The following KIRREL3 variants were observed in gnomAD, a reference collection of about 807,000 sequenced individuals.
KIRREL3 encodes kin of IRRE-like protein 3.
KIRREL3 carries 36 observed loss-of-function variants against 89.7 expected under a neutral mutation model. That is an observed-to-expected ratio of 0.40 (90% CI 0.31 to 0.53). KIRREL3 has a LOEUF of 0.53. KIRREL3 is among the 20% of genes least tolerant of loss of function. The pLI is 0.49. For missense variants in KIRREL3, 864 were observed against 1,056.6 expected, an observed-to-expected ratio of 0.82 and a Z score of 2.53; for synonymous variants, 445 against 441.4, an observed-to-expected ratio of 1.01 and a Z score of -0.10.
intron 2 of KIRREL3, among the ~76,000 whole-genome samples, chr11:126,534,500 G>T (rs1267583671): frequency 6.6e-6 from 1 of 152,156 alleles, no homozygotes; most frequent in Non-Finnish European, 1.5e-5. Context: ...CCTGAAAGCG[G>T]GAGGCTCTGC....
chr11:126,496,773 A>G lies in KIRREL3; in HGVS notation c.434-23307T>C, dbSNP rs879921481. ...TCAAGGCCTGAGGCTGTAGGCAGGG[A>G]GTCAGGGCTGGGGAAGCTGGGCTCA... is the stretch of plus-strand genomic sequence containing the variant. On this transcript the variant is annotated intron_variant, in intron 4 of 16. Coordinates refer to ENST00000525144, the MANE Select transcript of KIRREL3 (RefSeq NM_032531.4). This position sits in a 1 kb window ranked among gnomAD's most constrained non-coding sequence, Gnocchi z 4.9. Among the ~76,000 whole-genome samples, 42 of 152,120 alleles carry G rather than the reference A, an allele frequency of 2.8e-4. No individual in the cohort carries two copies. The highest frequency in any genetic ancestry group is 6.0e-4 in the Non-Finnish European group (41 of 68,028).
intron 1 of KIRREL3, among the ~76,000 whole-genome samples, chr11:126,749,205 C>T (rs541204317): frequency 1.3e-5 from 2 of 152,276 alleles, no homozygotes; most frequent in East Asian, 3.9e-4. Flanking sequence ...CCGTTCATTT[C>T]GACTGTTTTC....
rs1442192189 is a variant in KIRREL3 at position 126,557,600 on chromosome 11, T to A, written c.133+5235A>T. Among the ~76,000 whole-genome samples, 1 of 152,210 alleles carries A rather than the reference T, an allele frequency of 6.6e-6. No homozygotes were observed. Among genetic ancestry groups the A allele is most frequent in the Non-Finnish European group, 1.5e-5 (1 of 68,030 alleles). On this transcript the variant is annotated intron_variant, in intron 2 of 16. Coordinates refer to ENST00000525144, the MANE Select transcript of KIRREL3 (RefSeq NM_032531.4). The surrounding 1 kb of genome is among the most constrained non-coding windows in gnomAD (Gnocchi z 5.6). ...CTACACATCCCAGCTGTGGGGCACC[T>A]CTCTTTCTATACGAGGAAACAGTAG...
In KIRREL3 at chr11:126,943,778, A is replaced by G. The variant is rs1298278336; in HGVS notation, c.55+56677T>C. ...CTGCCACATTTCCCTATGCCCCCTG[A>G]GTTTTAGAGATACCCTATTTGAATG... On this transcript the variant is annotated intron_variant, in intron 1 of 16. Coordinates refer to ENST00000525144, the MANE Select transcript of KIRREL3 (RefSeq NM_032531.4). This position sits in a 1 kb window ranked among gnomAD's most constrained non-coding sequence, Gnocchi z 4.2. Among the ~76,000 whole-genome samples, 1 of 152,170 alleles carries G rather than the reference A, an allele frequency of 6.6e-6. No individual in the cohort carries two copies. The highest frequency in any genetic ancestry group is 2.4e-5 in the African/African-American group (1 of 41,434).
At chr11:126,644,595 T>C (rs529679623) in intron 1 of KIRREL3, among the ~76,000 whole-genome samples, 1 of 152,262 alleles carries the variant, frequency 6.6e-6, no homozygotes, top group East Asian at 1.9e-4. Flanking sequence ...GAAAGCCTGG[T>C]ACTAAAATCC....
Position 126,485,862 on chromosome 11 carries a change from C to T in KIRREL3, c.434-12396G>A, listed in dbSNP as rs35563043. 0.023 allele frequency among the ~76,000 whole-genome samples: 3,480 copies of T among 152,300 alleles called. 140 individuals are homozygous for T. The highest frequency in any genetic ancestry group is 0.075 in the African/African-American group (3,109 of 41,564). ...CCAAAGATCCCACAGCTGTACAGGT[C>T]TGATGGGCAGCCCTGCTGCCTTTAG... is the stretch of plus-strand genomic sequence containing the variant. On this transcript the variant is annotated intron_variant, in intron 4 of 16. Coordinates refer to ENST00000525144, the MANE Select transcript of KIRREL3 (RefSeq NM_032531.4). The surrounding 1 kb of genome is among the most constrained non-coding windows in gnomAD (Gnocchi z 5.8).
chr11:126,465,888 G>C (rs914431179), intron 5 of KIRREL3, among the ~76,000 whole-genome samples: 4 of 152,222 alleles, frequency 2.6e-5, no homozygotes, highest in African/African-American at 9.6e-5. Context: ...GTGATAATAA[G>C]AACAATTTCC....
intron 11 of KIRREL3, among the ~76,000 whole-genome samples, chr11:126,438,339 G>A (rs544349874): frequency 1.3e-5 from 2 of 152,366 alleles, no homozygotes; most frequent in South Asian, 4.1e-4. Flanking sequence ...GCACCTCATC[G>A]TGTAAGCGCC....
At position 126,492,625 on chromosome 11, in the gene KIRREL3, C is replaced by T. The variant is rs976327352; in HGVS notation, c.434-19159G>A. On this transcript the variant is annotated intron_variant, in intron 4 of 16. Transcript: ENST00000525144. The surrounding 1 kb of genome is among the most constrained non-coding windows in gnomAD (Gnocchi z 4.8). ...CTCAGCTGTTGGAGGGGAACAGCCA[C>T]CAGGCCATTTTTATGACTTCCTATC... Among the ~76,000 whole-genome samples, 3 of 152,148 alleles carry T rather than the reference C, an allele frequency of 2.0e-5. No homozygotes were observed. The highest frequency in any genetic ancestry group is 1.5e-5 in the Non-Finnish European group (1 of 68,034).
chr11:126,463,217 G>A lies in KIRREL3; in HGVS notation c.682C>T (p.Arg228Cys), dbSNP rs746070014. 4 of 1,613,828 alleles carry A rather than the reference G, an allele frequency of 2.5e-6. No individual in the cohort carries two copies. Among genetic ancestry groups the A allele is most frequent in the Non-Finnish European group, 3.4e-6 (4 of 1,179,884 alleles). ...CCGGGGATGGCTTTGTTGGTGGCAC[G>A]ACACACGATGCTCTGGCCATTCTCC... is the stretch of plus-strand genomic sequence containing the variant. The part of the protein sequence containing the change: ...DVENGQSIVC[R>C]ATNKAIPGGK... Residue 228 changes from arginine (R) to cysteine (C), a missense_variant, in exon 6 of 17, where the codon CGT (arginine) becomes TGT (cysteine). By Grantham distance (180) the Arg-to-Cys change is radical. Coordinates refer to ENST00000525144, the MANE Select transcript of KIRREL3 (RefSeq NM_032531.4). The surrounding 1 kb of genome is among the most constrained non-coding windows in gnomAD (Gnocchi z 5.9).
intron 1 of KIRREL3, among the ~76,000 whole-genome samples, chr11:126,617,793 T>A (rs992816172): frequency 1.8e-4 from 28 of 152,230 alleles, no homozygotes; most frequent in African/African-American, 6.5e-4. Flanking sequence ...AAAGTCCCAC[T>A]GTATATAAGT....
In KIRREL3 at chr11:126,578,350, G is replaced by A. The variant is rs1053443663; in HGVS notation, c.56-15438C>T. On this transcript the variant is annotated intron_variant, in intron 1 of 16. Coordinates refer to ENST00000525144, the MANE Select transcript of KIRREL3 (RefSeq NM_032531.4). This position sits in a 1 kb window ranked among gnomAD's most constrained non-coding sequence, Gnocchi z 4.9. ...CTCAGTATCTCACAAAGAAAGAGGA[G>A]GGCAAAATGGGAATTCATTGGAAGA... 6.6e-6 allele frequency among the ~76,000 whole-genome samples: 1 copy of A among 152,168 alleles called. No homozygotes were observed. Among genetic ancestry groups the A allele is most frequent in the South Asian group, 2.1e-4 (1 of 4,830 alleles).
chr11:126,424,597 TC>T lies in KIRREL3; in HGVS notation c.2319del (p.Met774CysfsTer83). ...TGTGATCCTTAGACGTGAGTCTGCA[TC>T]CGCCGCTGCAGGGGTCGACTGGGGT... ...NSDPSRPLQR[R>X]MQTHV is the part of the protein sequence containing the mutation. On this transcript the variant is annotated frameshift_variant, in exon 17 of 17. Transcript: ENST00000525144. LOFTEE classifies it high-confidence loss of function. 1 of 1,613,884 alleles carries T rather than the reference TC, an allele frequency of 6.2e-7. No homozygotes were observed. Among genetic ancestry groups the T allele is most frequent in the Non-Finnish European group, 8.5e-7 (1 of 1,179,848 alleles).
At chr11:126,803,960 A>G (rs1312938748) in intron 1 of KIRREL3, among the ~76,000 whole-genome samples, 1 of 152,206 alleles carries the variant, frequency 6.6e-6, no homozygotes, top group Non-Finnish European at 1.5e-5. Context: ...TACCTTGAAG[A>G]GTTATCCAAA....
chr11:126,480,458 A>G (rs1264385136), intron 4 of KIRREL3, among the ~76,000 whole-genome samples: 1 of 152,214 alleles, frequency 6.6e-6, no homozygotes, highest in Non-Finnish European at 1.5e-5. Flanking sequence ...TTTATAGGTT[A>G]AGAAGCTGAG....
At position 126,606,631 on chromosome 11, in the gene KIRREL3, A is replaced by G. The variant is rs1443045680; in HGVS notation, c.56-43719T>C. 1.3e-5 allele frequency among the ~76,000 whole-genome samples: 2 copies of G among 152,066 alleles called. No individual in the cohort carries two copies. The highest frequency in any genetic ancestry group is 2.4e-5 in the African/African-American group (1 of 41,392). On this transcript the variant is annotated intron_variant, in intron 1 of 16. Coordinates refer to ENST00000525144, the MANE Select transcript of KIRREL3 (RefSeq NM_032531.4). This position sits in a 1 kb window ranked among gnomAD's most constrained non-coding sequence, Gnocchi z 4.6. ...ACCAGGCCGAGACCCTCGACATTCCAGGGAGGGAACCGGAGGACTCCAGTC... is the reference window on the plus strand; with the variant it reads ...ACCAGGCCGAGACCCTCGACATTCCGGGGAGGGAACCGGAGGACTCCAGTC...
At position 126,424,611 on chromosome 11, in the gene KIRREL3, G is replaced by C. The variant is rs776386466; in HGVS notation, c.2306C>G (p.Pro769Arg). 6.2e-7 allele frequency: 1 copy of C among 1,614,042 alleles called. No homozygotes were observed. Among genetic ancestry groups the C allele is most frequent in the South Asian group, 1.1e-5 (1 of 91,086 alleles). Residue 769 changes from proline (P) to arginine (R), a missense_variant, in exon 17 of 17, where the codon CCC (proline) becomes CGC (arginine). Transcript: ENST00000525144. ...SSSQNSDPSR[P>R]LQRRMQTHV ...GTGAGTCTGCATCCGCCGCTGCAGG[G>C]GTCGACTGGGGTCAGAGTTCTGGGA...
chr11:126,632,201 A>G (rs1454480523), intron 1 of KIRREL3, among the ~76,000 whole-genome samples: 1 of 152,254 alleles, frequency 6.6e-6, no homozygotes, highest in Non-Finnish European at 1.5e-5. Flanking sequence ...GACCACAGAT[A>G]TAAGGCAATG....
Position 126,563,061 on chromosome 11 carries a change from C to T in KIRREL3, c.56-149G>A. The T allele has an allele frequency of 1.8e-6, 1 of 544,298 alleles. No individual in the cohort carries two copies. Among genetic ancestry groups the T allele is most frequent in the Non-Finnish European group, 3.2e-6 (1 of 308,132 alleles). 33.7% of individuals were successfully genotyped at this position (544,298 alleles called of 1,614,324 possible). A position where few individuals can be genotyped will look rare whatever the true frequency, so the allele number is the denominator to read the frequency against. On this transcript the variant is annotated intron_variant, in intron 1 of 16. Coordinates refer to ENST00000525144, the MANE Select transcript of KIRREL3 (RefSeq NM_032531.4). The surrounding 1 kb of genome is among the most constrained non-coding windows in gnomAD (Gnocchi z 6.8). ...CATTTATATGGAAATTGTTATGTTC[C>T]AGGCATAAGTTTAAGCCAGCAATTC... is the stretch of plus-strand genomic sequence containing the variant.
Sources: gnomAD v4.1 joint callset for allele counts (sites outside exome capture counted in the v4.1 genomes callset) on GRCh38, gnomAD v4.1.1 for gene constraint, Gnocchi (gnomAD v3.1) non-coding constraint, MANE v1.5 for transcripts, NCBI Gene and HGNC (gene_info 2026-07-23, HGNC 2026-07-21) for gene names.